The following ZFR variants were observed in gnomAD, a reference collection of about 807,000 sequenced individuals.
ZFR encodes zinc finger RNA binding protein.
ZFR carries 19 observed loss-of-function variants against 130.7 expected under a neutral mutation model. The observed-to-expected ratio is 0.15, with a 90% confidence interval of 0.10 to 0.21. The LOEUF is 0.21. ZFR is among the 10% of genes least tolerant of loss of function. The pLI is 1.00. For missense variants in ZFR, 872 were observed against 1,321.5 expected, an observed-to-expected ratio of 0.66 and a Z score of 5.27; for synonymous variants, 466 against 456.9, an observed-to-expected ratio of 1.02 and a Z score of -0.25.
chr5:32,394,912 CAT>C (rs1753266701), intron 11 of ZFR, among the ~76,000 whole-genome samples: 2 of 152,100 alleles, frequency 1.3e-5, no homozygotes, highest in South Asian at 2.1e-4. Context: ...ACTATTTCTT[CAT>C]ATGTTTAATT....
rs181466449 is a variant in ZFR, at chr5:32,407,089, T to C, written c.785-68A>G. On this transcript the variant is annotated intron_variant, in intron 5 of 19. Coordinates refer to ENST00000265069, the MANE Select transcript of ZFR (RefSeq NM_016107.5). The stretch of plus-strand genomic sequence containing the variant: ...AGAAGGACAAGTTAAAATTTACAAA[T>C]TTAAATTAAATTAATCCTGCCAATA... 656 of 1,309,128 alleles carry C rather than the reference T, an allele frequency of 5.0e-4. 3 individuals are homozygous for C. Among genetic ancestry groups the C allele is most frequent in the Non-Finnish European group, 1.3e-4 (129 of 987,632 alleles). The allele number at this position is 1,309,128 out of a possible 1,614,324, so 81.1% of individuals were successfully genotyped here.
rs777611874 is a variant in ZFR, at chr5:32,406,902, C to G, written c.904G>C (p.Ala302Pro). 1 of 1,611,954 alleles carries G rather than the reference C, an allele frequency of 6.2e-7. No individual in the cohort carries two copies. The highest frequency in any genetic ancestry group is 8.5e-7 in the Non-Finnish European group (1 of 1,179,492). Residue 302 changes from alanine (A) to proline (P), a missense_variant, in exon 6 of 20, where the codon GCC (alanine) becomes CCC (proline). By Grantham distance (27) the Ala-to-Pro change is conservative. Transcript: ENST00000265069. ...TTAGTAAAGGTGGTCCCTGTCCAGGCAGCTGTTGCAGCAGCAGCAGCAGCT... is the reference window on the plus strand; with the variant it reads ...TTAGTAAAGGTGGTCCCTGTCCAGGGAGCTGTTGCAGCAGCAGCAGCAGCT... Reference protein sequence around the residue: ...AAAAAAAATAAWTGTTFTKKA... With the variant: ...AAAAAAAATAPWTGTTFTKKA...
intron 5 of ZFR, among the ~76,000 whole-genome samples, chr5:32,413,870 A>G (rs1753764916): frequency 6.6e-6 from 1 of 152,218 alleles, no homozygotes; most frequent in East Asian, 1.9e-4. Flanking sequence ...CTATGCCTTT[A>G]ATAGATTATA....
intron 2 of ZFR, among the ~76,000 whole-genome samples, chr5:32,438,248 T>G (rs953413640): frequency 1.0e-5 from 1 of 99,496 alleles, no homozygotes; most frequent in African/African-American, 4.4e-5. Context: ...TGATTTTATC[T>G]GAAAATTTTT....
At chr5:32,443,372 T>A (rs1034460629) in intron 2 of ZFR, among the ~76,000 whole-genome samples, 1 of 152,246 alleles carries the variant, frequency 6.6e-6, no homozygotes, top group African/African-American at 2.4e-5. Flanking sequence ...TGCATTACAA[T>A]GACTCAGTAC....
At position 32,403,427 on chromosome 5, in the gene ZFR, G is replaced by A. The variant is rs770131233; in HGVS notation, c.1225-30C>T. The A allele has an allele frequency of 1.4e-5, 23 of 1,590,322 alleles. No individual in the cohort carries two copies. In the East Asian group the frequency reaches 4.9e-4, roughly 34 times the overall value. On this transcript the variant is annotated intron_variant, in intron 7 of 19. Transcript: ENST00000265069. ...AAAACAAAAGCACACTTATTTGTCA[G>A]GAAACTCAAATAGATTTTGAAAAGT...
At chr5:32,431,359 G>C (rs1253217283) in intron 2 of ZFR, among the ~76,000 whole-genome samples, 1 of 152,130 alleles carries the variant, frequency 6.6e-6, no homozygotes, top group Non-Finnish European at 1.5e-5. Context: ...CTATTGGTTA[G>C]GGGAATAAAA....
At chr5:32,369,727 G>A (rs1423764204) in intron 17 of ZFR, among the ~76,000 whole-genome samples, 2 of 152,034 alleles carry the variant, frequency 1.3e-5, no homozygotes, top group South Asian at 2.1e-4. Context: ...TAGGAGAATC[G>A]CTTAAGCCTG....
chr5:32,417,486 T>C (rs1336494868), intron 4 of ZFR, among the ~76,000 whole-genome samples, 162 bp downstream of exon 4: 1 of 152,238 alleles, frequency 6.6e-6, no homozygotes, highest in African/African-American at 2.4e-5. Context: ...GGCATGATTA[T>C]GAATTGTGAC....
At chr5:32,409,702 G>A (rs1753656584) in intron 5 of ZFR, among the ~76,000 whole-genome samples, 1 of 152,190 alleles carries the variant, frequency 6.6e-6, no homozygotes, top group Admixed American at 6.5e-5. Context: ...CACCGCACCT[G>A]CATCCGAATA....
chr5:32,429,552 A>G (rs77112264), intron 2 of ZFR, among the ~76,000 whole-genome samples: 5,352 of 152,260 alleles, frequency 0.035, 108 homozygotes, highest in Middle Eastern at 0.075. Context: ...CCCAACCAAG[A>G]AGTTAGTTTA....
chr5:32,419,828 T>A lies in ZFR; in HGVS notation c.413A>T (p.Asn138Ile). The A allele has an allele frequency of 1.3e-6, 2 of 1,596,358 alleles. No individual in the cohort carries two copies. Among genetic ancestry groups the A allele is most frequent in the Non-Finnish European group, 1.7e-6 (2 of 1,169,110 alleles). Reference sequence around the variant, plus strand: ...AACTAGTAGTTTTCTTACCTGGTAGTTTTGTGTAGTAGCTGGGGGTGGTGG... The same window carrying A: ...AACTAGTAGTTTTCTTACCTGGTAGATTTGTGTAGTAGCTGGGGGTGGTGG... ...PPPPPPATTQNYQDSYSYVRS... is the reference protein window; with the variant it reads ...PPPPPPATTQIYQDSYSYVRS... The change falls in exon 3 of 20, where the codon AAC (asparagine) becomes ATC (isoleucine). Residue 138 changes from asparagine (N) to isoleucine (I), a missense_variant. Coordinates refer to ENST00000265069, the MANE Select transcript of ZFR (RefSeq NM_016107.5).
At chr5:32,431,625 A>T (rs994502126) in intron 2 of ZFR, among the ~76,000 whole-genome samples, 7 of 152,208 alleles carry the variant, frequency 4.6e-5, no homozygotes, top group Non-Finnish European at 7.3e-5. Context: ...TTTCTCTTTC[A>T]TGGCACATGA....
intron 16 of ZFR, 80 bp downstream of exon 16, chr5:32,379,995 G>T: frequency 8.4e-7 from 1 of 1,196,366 alleles, no homozygotes; most frequent in Non-Finnish European, 1.2e-6. Context: ...CTTTTGAAAT[G>T]TTTAAGCACA....
At position 32,370,310 on chromosome 5, in the gene ZFR, G is replaced by GGAGAGAGA. The variant is rs769362722; in HGVS notation, c.2836-6043_2836-6036dup. ...TATAATAACATTGTGTGTTGTGGGGGGAGAGAGAGAGAGAGAGAGAGAGAG... is the reference window on the plus strand; with the variant it reads ...TATAATAACATTGTGTGTTGTGGGGGGAGAGAGAGAGAGAGAGAGAGAGAGAGAGAGAG... On this transcript the variant is annotated intron_variant, in intron 17 of 19. Coordinates refer to ENST00000265069, the MANE Select transcript of ZFR (RefSeq NM_016107.5). Among the ~76,000 whole-genome samples, 281 of 69,720 alleles carry GGAGAGAGA rather than the reference G, an allele frequency of 4.0e-3. 1 individual carries two copies. The highest frequency in any genetic ancestry group is 0.031 in the East Asian group (70 of 2,290). 45.7% of individuals were successfully genotyped at this position (69,720 alleles called of 152,430 possible).
intron 5 of ZFR, among the ~76,000 whole-genome samples, chr5:32,408,209 C>T (rs2111788037): frequency 6.6e-6 from 1 of 151,308 alleles, no homozygotes; most frequent in Non-Finnish European, 1.5e-5. Context: ...AATTTCTAAA[C>T]CTAATTTTTC....
chr5:32,384,416 C>T (rs1280916668), intron 15 of ZFR, among the ~76,000 whole-genome samples: 1 of 152,118 alleles, frequency 6.6e-6, no homozygotes, highest in Non-Finnish European at 1.5e-5. Flanking sequence ...AGACATAGCT[C>T]CCAATGACAT....
At chr5:32,386,757 T>A (rs780272559) in intron 14 of ZFR, among the ~76,000 whole-genome samples, 50 of 152,164 alleles carry the variant, frequency 3.3e-4, no homozygotes, top group Non-Finnish European at 5.9e-4. Context: ...TGCTTCATTG[T>A]CCCTTTTGTC....
At chr5:32,360,892 C>T (rs1752418046) in intron 19 of ZFR, among the ~76,000 whole-genome samples, 1 of 152,048 alleles carries the variant, frequency 6.6e-6, no homozygotes, top group Non-Finnish European at 1.5e-5. Context: ...GCTCACTGAA[C>T]CCTCAACTTC....
Sources: gnomAD v4.1 joint callset for allele counts (sites outside exome capture counted in the v4.1 genomes callset) on GRCh38, gnomAD v4.1.1 for gene constraint, MANE v1.5 for transcripts, NCBI Gene and HGNC (gene_info 2026-07-23, HGNC 2026-07-21) for gene names.